MYH11: variants seen among roughly 807,000 people sequenced by gnomAD.
MYH11 encodes the protein myosin-11.
A neutral mutation model predicts 246.6 loss-of-function variants in MYH11; 80 were observed. The observed-to-expected ratio is 0.32, with a 90% CI of 0.27 to 0.39. The LOEUF (loss-of-function observed/expected upper bound fraction) is 0.39, where lower values mean the gene tolerates loss of function less well. Among genes scored for constraint, MYH11 ranks in the 10% least tolerant of loss-of-function variants. The pLI is 1.00. For missense variants in MYH11, 2,158 were observed against 2,546.8 expected (o/e 0.85, Z 3.29); for synonymous variants, 1,071 against 1,015.5 (o/e 1.05, Z -1.04).
At chr16:15,720,000 A>G in intron 34 of MYH11, 151 bp downstream of exon 34, 1 of 1,160,386 alleles carries the variant, frequency 8.6e-7, no homozygotes. Flanking sequence ...GACAGCCACC[A>G]AATCCTGAAT....
rs1567705039 is a variant in MYH11 at position 15,727,063 on chromosome 16, G to C, written c.3652-9C>G. The C allele has an allele frequency of 1.2e-6, 2 of 1,612,782 alleles. No individual in the cohort carries two copies. The highest frequency in any genetic ancestry group is 3.3e-4 in the Middle Eastern group (2 of 6,062). On this transcript the variant is annotated splice_polypyrimidine_tract_variant and intron_variant, in intron 27 of 40. Transcript: ENST00000300036. Reference sequence around the variant, plus strand: ...TCTAGGTTCGCCTTGGCCTGGCGAAGGAAGCAGAGGGGAGGGATAACAGGG... The same window carrying C: ...TCTAGGTTCGCCTTGGCCTGGCGAACGAAGCAGAGGGGAGGGATAACAGGG...
At chr16:15,719,492 G>A (rs543747584) in intron 35 of MYH11, 93 bp downstream of exon 35, 395 of 1,589,378 alleles carry the variant, frequency 2.5e-4, no homozygotes, top group Non-Finnish European at 3.2e-4. Flanking sequence ...AGAGGAGGAC[G>A]AAATGAAATC....
Position 15,776,159 on chromosome 16 carries a change from G to A in MYH11, c.808C>T (p.Arg270Trp), listed in dbSNP as rs2042216578. The change falls in exon 8 of 41, where the codon CGG (arginine) becomes TGG (tryptophan). Residue 270 changes from arginine to tryptophan, a missense_variant. By Grantham distance (101) the Arg-to-Trp change is moderately radical. This residue lies in a region of MYH11 where 123 missense variants were observed against 207.1 expected (regional missense o/e 0.59). Coordinates refer to ENST00000300036, the MANE Select transcript of MYH11 (RefSeq NM_002474.3). ...NIETYLLEKS[R>W]AIRQARDERT... ...TCGTCTCTGGCTTGGCGAATTGCCC[G>A]TGATTTTTCTAGCAGATCTGGTTTG... The A allele has an allele frequency of 1.9e-6, 3 of 1,613,714 alleles. No individual in the cohort carries two copies. Among genetic ancestry groups the A allele is most frequent in the Non-Finnish European group, 2.5e-6 (3 of 1,179,654 alleles).
intron 2 of MYH11, among the ~76,000 whole-genome samples, chr16:15,829,361 A>G (rs1337506129): frequency 1.3e-5 from 2 of 152,118 alleles, no homozygotes; most frequent in African/African-American, 4.8e-5. Flanking sequence ...GTAGATCTGA[A>G]TCTCTGCTGA....
At chr16:15,752,095 T>C (rs1474340415) in intron 15 of MYH11, among the ~76,000 whole-genome samples, 1 of 151,916 alleles carries the variant, frequency 6.6e-6, no homozygotes, top group East Asian at 2.0e-4. Flanking sequence ...CGCAGCCTCA[T>C]GCTTGTCTCT....
In MYH11 at chr16:15,797,279, T is replaced by C. The variant is rs117142785; in HGVS notation, c.530+1381A>G. Among the ~76,000 whole-genome samples, 725 of 152,284 alleles carry C rather than the reference T, an allele frequency of 4.8e-3. 15 individuals carry two copies. Among genetic ancestry groups the C allele is most frequent in the East Asian group, 0.036 (189 of 5,186 alleles). On this transcript the variant is annotated intron_variant, in intron 4 of 40. Transcript: ENST00000300036. ...TGAAATTCTAATTACTAGTTTTTAA[T>C]TGTCCTTCCAGATAATTTCATGCAA... is the stretch of plus-strand genomic sequence containing the variant.
In MYH11 at chr16:15,727,201, G is replaced by T. The variant is rs78271041; in HGVS notation, c.3652-147C>A. 280 of 698,306 alleles carry T rather than the reference G, an allele frequency of 4.0e-4. No homozygotes were observed. The African/African-American group carries it at 4.9e-3, about 12-fold the overall frequency. The allele number at this position is 698,306 out of a possible 1,614,324, so 43.3% of individuals were successfully genotyped here. ...CCAGTAAGAGATTTGGGGTTTTTTT[G>T]TTGTTATTTTTTTTTTGAGATGGAG... On this transcript the variant is annotated intron_variant, in intron 27 of 40. Coordinates refer to ENST00000300036, the MANE Select transcript of MYH11 (RefSeq NM_002474.3).
chr16:15,717,971 C>T (rs1350503873), intron 37 of MYH11: 1 of 400,140 alleles, frequency 2.5e-6, no homozygotes, highest in East Asian at 5.5e-5. Flanking sequence ...TGCTCAGTGA[C>T]ATCACCAAGG....
chr16:15,763,741 T>TCGGGGGGGCCC, intron 10 of MYH11, 55 bp downstream of exon 10: 2 of 646,862 alleles, frequency 3.1e-6, no homozygotes, highest in Non-Finnish European at 5.8e-6. Flanking sequence ...AAATGTCACC[T>TCGGGGGGGCCC]CCCCCACCCC....
chr16:15,710,083 C>T (rs2039693142), intron 40 of MYH11, among the ~76,000 whole-genome samples: 1 of 152,208 alleles, frequency 6.6e-6, no homozygotes, highest in Admixed American at 6.5e-5. Context: ...ATGCAGAAGG[C>T]AGGACAGACC....
chr16:15,850,558 T>C (rs2044304912), intron 1 of MYH11, among the ~76,000 whole-genome samples: 1 of 152,124 alleles, frequency 6.6e-6, no homozygotes, highest in Non-Finnish European at 1.5e-5. Flanking sequence ...AGGTAAGTAA[T>C]ACAGAGTGAC....
At chr16:15,707,663 GAA>G (rs1217785024) in intron 40 of MYH11, among the ~76,000 whole-genome samples, 2 of 152,316 alleles carry the variant, frequency 1.3e-5, no homozygotes, top group Non-Finnish European at 2.9e-5. Context: ...TCCATGAGGT[GAA>G]GTCAGATCCA....
chr16:15,763,741 T>TGGGGGCCCCCCCCCCCCCCCCCCC, intron 10 of MYH11, 55 bp downstream of exon 10: 3 of 646,860 alleles, frequency 4.6e-6, no homozygotes, highest in East Asian at 3.2e-5. Context: ...AAATGTCACC[T>TGGGGGCCCCCCCCCCCCCCCCCCC]CCCCCACCCC....
At chr16:15,765,856 G>C (rs2151285026) in intron 9 of MYH11, among the ~76,000 whole-genome samples, 1 of 152,292 alleles carries the variant, frequency 6.6e-6, no homozygotes, top group South Asian at 2.1e-4. Context: ...AAACTATGAA[G>C]AGTTGCACTC....
intron 3 of MYH11, among the ~76,000 whole-genome samples, chr16:15,806,246 C>T (rs889316992): frequency 1.5e-5 from 2 of 131,396 alleles, no homozygotes; most frequent in African/African-American, 2.9e-5. Context: ...CACTGCACTC[C>T]AGCCCGGGCG....
intron 31 of MYH11, among the ~76,000 whole-genome samples, chr16:15,723,049 A>G (rs1452218403): frequency 6.6e-6 from 1 of 152,152 alleles, no homozygotes; most frequent in Non-Finnish European, 1.5e-5. Context: ...TGGCCTCTCA[A>G]ACTGATTTTT....
Position 15,745,211 on chromosome 16 carries a change from AGCT to A in MYH11, c.2435_2437del (p.Gln812del). 1 of 1,613,880 alleles carries A rather than the reference AGCT, an allele frequency of 6.2e-7. No homozygotes were observed. The highest frequency in any genetic ancestry group is 8.5e-7 in the Non-Finnish European group (1 of 1,179,854). Reference sequence around the variant, plus strand: ...CCTCTGAATCACCTTCATGGCGGTCAGCTGCTGCTGCCTCTTGGCAAAAGCCCT... The same window carrying A: ...CCTCTGAATCACCTTCATGGCGGTCAGCTGCTGCCTCTTGGCAAAAGCCCT... On this transcript the variant is annotated inframe_deletion, in exon 20 of 41. Coordinates refer to ENST00000300036, the MANE Select transcript of MYH11 (RefSeq NM_002474.3).
chr16:15,835,034 T>C (rs541865929), intron 2 of MYH11, among the ~76,000 whole-genome samples: 115 of 142,222 alleles, frequency 8.1e-4, no homozygotes, highest in African/African-American at 9.1e-4. Flanking sequence ...TGAGCTACGA[T>C]AGAACCACTG....
At position 15,850,810 on chromosome 16, in the gene MYH11, G is replaced by A. The variant is rs142846677; in HGVS notation, c.-18+6131C>T. On this transcript the variant is annotated intron_variant, in intron 1 of 40. Coordinates refer to ENST00000300036, the MANE Select transcript of MYH11 (RefSeq NM_002474.3). ...CTCGGGAGGCTGAGGTGGGAAGATC[G>A]CTTGAGCCTGGGAGGTAGAGGTTGC... 2.2e-4 allele frequency among the ~76,000 whole-genome samples: 34 copies of A among 152,268 alleles called. No individual in the cohort carries two copies. The East Asian group carries it at 4.4e-3, about 20-fold the overall frequency.
Sources: gnomAD v4.1 joint callset for allele counts (sites outside exome capture counted in the v4.1 genomes callset) on GRCh38, gnomAD v4.1.1 for gene constraint, gnomAD v4.1.1 regional missense constraint, MANE v1.5 for transcripts, NCBI Gene and HGNC (gene_info 2026-07-23, HGNC 2026-07-21) for gene names.